The following GAPVD1 variants were observed in gnomAD, a reference collection of about 807,000 sequenced individuals.
GAPVD1 encodes GTPase activating protein and VPS9 domains 1.
In GAPVD1, 35 loss-of-function variants were observed where a neutral mutation model predicts 155.5. The observed-to-expected ratio is 0.23, with a 90% CI of 0.17 to 0.30. GAPVD1 has a LOEUF of 0.30. Among genes scored for constraint, GAPVD1 ranks in the 10% least tolerant of loss-of-function variants. GAPVD1 has a pLI of 1.00. For missense variants in GAPVD1, 1,429 were observed against 1,775.7 expected (o/e 0.80, Z 3.51); for synonymous variants, 636 against 619.7 (o/e 1.03, Z -0.39).
At chr9:125,331,308 C>A (rs141869455) in intron 13 of GAPVD1, among the ~76,000 whole-genome samples, 1 of 151,768 alleles carries the variant, frequency 6.6e-6, no homozygotes, top group Admixed American at 6.6e-5. Context: ...TCAAGTGATT[C>A]TTTTGCCTCA....
At chr9:125,276,216 A>G (rs16928025) in intron 2 of GAPVD1, among the ~76,000 whole-genome samples, 7,389 of 152,226 alleles carry the variant, frequency 0.049, 528 homozygotes, top group African/African-American at 0.16. Context: ...GTTAGTTGGT[A>G]GTAAGCCCAT....
At chr9:125,299,137 T>G in intron 4 of GAPVD1, 31 bp downstream of exon 4, 1 of 1,200,824 alleles carries the variant, frequency 8.3e-7, no homozygotes, top group South Asian at 1.4e-5. Flanking sequence ...TTTTAAGTTT[T>G]GTGAACCACT....
intron 15 of GAPVD1, among the ~76,000 whole-genome samples, chr9:125,335,766 A>G (rs1358293657): frequency 6.6e-6 from 1 of 152,222 alleles, no homozygotes; most frequent in Non-Finnish European, 1.5e-5. Context: ...AAATGAATTA[A>G]TAAATATTTA....
intron 2 of GAPVD1, among the ~76,000 whole-genome samples, chr9:125,282,523 T>C (rs949459790): frequency 4.6e-5 from 7 of 152,204 alleles, no homozygotes; most frequent in Non-Finnish European, 8.8e-5. Flanking sequence ...TTTTACCTCT[T>C]TAGTTACGAC....
At chr9:125,289,705 G>C (rs568750077) in intron 2 of GAPVD1, among the ~76,000 whole-genome samples, 13 of 152,236 alleles carry the variant, frequency 8.5e-5, no homozygotes, top group African/African-American at 3.1e-4. Context: ...ATGTTGACTA[G>C]GCAGTTGCAT....
intron 2 of GAPVD1, among the ~76,000 whole-genome samples, chr9:125,286,102 C>T (rs1837651173): frequency 1.3e-5 from 2 of 151,588 alleles, no homozygotes; most frequent in Admixed American, 6.6e-5. Flanking sequence ...GCCACTTCAC[C>T]TGGCCATATA....
intron 1 of GAPVD1, among the ~76,000 whole-genome samples, chr9:125,262,471 G>A (rs928170154): frequency 2.6e-5 from 4 of 152,164 alleles, no homozygotes; most frequent in Admixed American, 6.5e-5. Context: ...GAAAGTGAGG[G>A]AGCTGTTGGT....
rs1850777350 is a variant in GAPVD1, at chr9:125,360,685, C to T, written c.4202C>T (p.Ala1401Val). ...GCCAATGAGGACTCTGTCCCTGGAGCGGATGACTTTGTTCCTGTGTTGGTG... is the reference window on the plus strand; with the variant it reads ...GCCAATGAGGACTCTGTCCCTGGAGTGGATGACTTTGTTCCTGTGTTGGTG... ...SLANEDSVPG[A>V]DDFVPVLVFV... The change falls in exon 27 of 28, where the codon GCG becomes GTG. Residue 1401 changes from alanine to valine, a missense_variant. Physicochemically the swap from Ala to Val is moderately conservative, Grantham distance 64. Coordinates refer to ENST00000297933, the MANE Select transcript of GAPVD1 (RefSeq NM_001282680.3). 6 of 1,614,002 alleles carry T rather than the reference C, an allele frequency of 3.7e-6. No homozygotes were observed. The highest frequency in any genetic ancestry group is 5.1e-6 in the Non-Finnish European group (6 of 1,179,936).
chr9:125,263,531 T>C, intron 1 of GAPVD1: 1 of 892,812 alleles, frequency 1.1e-6, no homozygotes, highest in East Asian at 2.5e-5. Context: ...AACTGTTGTT[T>C]TTTTTTTTTT....
chr9:125,360,760 G>A (rs565963737), intron 27 of GAPVD1, 35 bp downstream of exon 27: 42 of 1,532,402 alleles, frequency 2.7e-5, no homozygotes, highest in Middle Eastern at 2.1e-4. Flanking sequence ...AAGGAGTTAT[G>A]TGGCATTCTG....
chr9:125,305,504 G>A (rs1841634901), intron 6 of GAPVD1, among the ~76,000 whole-genome samples: 1 of 151,498 alleles, frequency 6.6e-6, no homozygotes, highest in Admixed American at 6.6e-5. Flanking sequence ...CCCAGTAACT[G>A]GGATCACAGG....
Position 125,362,853 on chromosome 9 carries a change from C to T in GAPVD1, c.*107C>T. 7.7e-6 allele frequency: 7 copies of T among 908,282 alleles called. No individual in the cohort carries two copies. The highest frequency in any genetic ancestry group is 1.2e-5 in the Non-Finnish European group (7 of 606,716). The allele number at this position is 908,282 out of a possible 1,614,324, so 56.3% of individuals were successfully genotyped here. Reference sequence around the variant, plus strand: ...CTGAAGATTGTTTTGTATGATACTGCACAGCATCAGGCATTTTAAAGCAGA... The same window carrying T: ...CTGAAGATTGTTTTGTATGATACTGTACAGCATCAGGCATTTTAAAGCAGA... On this transcript the variant is annotated 3_prime_UTR_variant, in exon 28 of 28. Coordinates refer to ENST00000297933, the MANE Select transcript of GAPVD1 (RefSeq NM_001282680.3).
intron 9 of GAPVD1, among the ~76,000 whole-genome samples, chr9:125,319,770 T>C (rs1844018470): frequency 6.6e-6 from 1 of 151,846 alleles, no homozygotes; most frequent in East Asian, 1.9e-4. Context: ...CCTGGTTGAT[T>C]TTGTATTTTT....
chr9:125,337,134 A>G, intron 16 of GAPVD1, 39 bp downstream of exon 16: 1 of 1,596,886 alleles, frequency 6.3e-7, no homozygotes, highest in East Asian at 2.2e-5. Context: ...TATGTCACAG[A>G]CAGGAGGAGG....
chr9:125,301,974 T>C lies in GAPVD1; in HGVS notation c.186-9T>C, dbSNP rs1333655450. 3.3e-6 allele frequency: 5 copies of C among 1,522,952 alleles called. No individual in the cohort carries two copies. The highest frequency in any genetic ancestry group is 4.5e-5 in the Admixed American group (2 of 44,308). 94.3% of individuals were successfully genotyped at this position (1,522,952 alleles called of 1,614,324 possible). ...TTTGCTTGTTTGCTCTTTTTTTTTT[T>C]TTTTTTAGTGCTGAAGCTTCCCCTG... On this transcript the variant is annotated splice_polypyrimidine_tract_variant and intron_variant, in intron 4 of 27. Coordinates refer to ENST00000297933, the MANE Select transcript of GAPVD1 (RefSeq NM_001282680.3).
At chr9:125,318,524 T>A (rs1843781148) in intron 9 of GAPVD1, among the ~76,000 whole-genome samples, 1 of 152,204 alleles carries the variant, frequency 6.6e-6, no homozygotes, top group Non-Finnish European at 1.5e-5. Flanking sequence ...CCCTTTTCTG[T>A]TAATTCACGT....
chr9:125,276,148 A>G (rs1835747083), intron 2 of GAPVD1, among the ~76,000 whole-genome samples: 1 of 152,130 alleles, frequency 6.6e-6, no homozygotes, highest in Admixed American at 6.6e-5. Flanking sequence ...CTGACATTAT[A>G]TTACCTGTAT....
chr9:125,323,850 T>C lies in GAPVD1; in HGVS notation c.1785T>C (p.Ser595=), dbSNP rs769111202. 1.9e-5 allele frequency: 30 copies of C among 1,613,134 alleles called. No individual in the cohort carries two copies. Among genetic ancestry groups the C allele is most frequent in the Non-Finnish European group, 2.5e-5 (29 of 1,179,102 alleles). ...SVSSLDLEGE[S]VSELGAGPSG... Reference sequence around the variant, plus strand: ...CCTCCCTAGACCTAGAAGGAGAGTCTGTGTCAGAACTTGGAGCAGGACCTT... The same window carrying C: ...CCTCCCTAGACCTAGAAGGAGAGTCCGTGTCAGAACTTGGAGCAGGACCTT... Residue 595 remains serine, a synonymous_variant, in exon 11 of 28, where the codon TCT becomes TCC. Transcript: ENST00000297933.
rs1848925213 is a variant in GAPVD1, at chr9:125,349,002, T to C, written c.3170-388T>C. Reference sequence around the variant, plus strand: ...AAGAAATTTAGAGCAAGCCATTTTCTGACTGGGCAGGAGTCCATGTCTATA... The same window carrying C: ...AAGAAATTTAGAGCAAGCCATTTTCCGACTGGGCAGGAGTCCATGTCTATA... On this transcript the variant is annotated intron_variant, in intron 20 of 27. Transcript: ENST00000297933. 2.0e-5 allele frequency among the ~76,000 whole-genome samples: 3 copies of C among 152,352 alleles called. No homozygotes were observed. The South Asian group carries it at 6.2e-4, about 32-fold the overall frequency.
Sources: gnomAD v4.1 joint callset for allele counts (sites outside exome capture counted in the v4.1 genomes callset) on GRCh38, gnomAD v4.1.1 for gene constraint, MANE v1.5 for transcripts, NCBI Gene and HGNC (gene_info 2026-07-23, HGNC 2026-07-21) for gene names.